NR2F1: variants seen among roughly 807,000 people sequenced by gnomAD.
NR2F1 encodes COUP transcription factor 1.
In NR2F1, 1 loss-of-function variant was observed where a neutral mutation model predicts 37.7. The ratio of observed to expected loss-of-function variants is 0.03; its 90% confidence interval spans 0.01 to 0.13. The LOEUF is 0.13. NR2F1 is among the 10% of genes least tolerant of loss of function. The pLI is 1.00. For synonymous variants in NR2F1, 275 were observed against 259.6 expected (o/e 1.06, Z -0.57); for missense variants, 268 against 578.4 (o/e 0.46, Z 5.50).
At chr5:93,587,549 T>TA (rs1753253575) in intron 1 of NR2F1, 1 of 150,716 alleles carries the variant, frequency 6.6e-6, no homozygotes, top group African/African-American at 6.9e-5. Flanking sequence ...TTAACCCTGA[T>TA]TTTTTTTTTC....
intron 2 of NR2F1, among the ~76,000 whole-genome samples, chr5:93,588,962 C>T (rs982831096): frequency 6.6e-6 from 1 of 152,082 alleles, no homozygotes; most frequent in African/African-American, 2.4e-5. Context: ...CACAGAGAGA[C>T]ACAGAGAGAG....
intron 1 of NR2F1, 39 bp downstream of exon 1, chr5:93,585,525 C>T: frequency 2.0e-6 from 3 of 1,531,930 alleles, no homozygotes; most frequent in Non-Finnish European, 2.7e-6. Context: ...CGCGCTTCGC[C>T]CGCCTCCCTG....
rs1203962595 is a variant in NR2F1, at chr5:93,584,830, A to G, written c.-194A>G. 6.4e-5 allele frequency: 10 copies of G among 156,478 alleles called. No homozygotes were observed. The South Asian group carries it at 1.0e-3, about 16-fold the overall frequency. The allele number at this position is 156,478 out of a possible 1,614,324, so 9.7% of individuals were successfully genotyped here. A position where few individuals can be genotyped will look rare whatever the true frequency, so the allele number is the denominator to read the frequency against. The stretch of plus-strand genomic sequence containing the variant: ...GGGCGGCCGAGGCAGTAGCGGCGGC[A>G]GCGGCGGCGGCGGCGGAGGCAGCGG... On this transcript the variant is annotated 5_prime_UTR_variant, in exon 1 of 3. Transcript: ENST00000327111.
chr5:93,583,230 T>C lies in NR2F1; in HGVS notation c.-1794T>C, dbSNP rs1015943998. 1 of 151,904 alleles carries C rather than the reference T, an allele frequency of 6.6e-6. No homozygotes were observed. The highest frequency in any genetic ancestry group is 1.5e-5 in the Non-Finnish European group (1 of 68,010). 9.4% of individuals were successfully genotyped at this position (151,904 alleles called of 1,614,324 possible). On this transcript the variant is annotated 5_prime_UTR_variant, in exon 1 of 3. Coordinates refer to ENST00000327111, the MANE Select transcript of NR2F1 (RefSeq NM_005654.6). ...GCGCAGATCCCCCTTTCGGAAACAT[T>C]GCTCTGCGAGTCCTCCCGTTTAAAC...
At chr5:93,587,671 CT>C in intron 1 of NR2F1, 1 of 519,626 alleles carries the variant, frequency 1.9e-6, no homozygotes, top group South Asian at 3.2e-5. Context: ...GGAGTCAGGC[CT>C]AGCTCCGGCG....
Position 93,584,907 on chromosome 5 carries a change from CCCCCG to C in NR2F1, c.-112_-108del, listed in dbSNP as rs1753199855. The C allele has an allele frequency of 7.2e-6, 1 of 139,710 alleles. No homozygotes were observed. The highest frequency in any genetic ancestry group is 2.6e-5 in the African/African-American group (1 of 38,528). 8.7% of individuals were successfully genotyped at this position (139,710 alleles called of 1,614,324 possible). A position where few individuals can be genotyped will look rare whatever the true frequency, so the allele number is the denominator to read the frequency against. On this transcript the variant is annotated 5_prime_UTR_variant, in exon 1 of 3. Coordinates refer to ENST00000327111, the MANE Select transcript of NR2F1 (RefSeq NM_005654.6). ...TGCGACCCCGGGGCGCCCGGCGGGCCCCCCGCCCCCTCCCCCTCCCCCCTTCCCCT... is the reference window on the plus strand; with the variant it reads ...TGCGACCCCGGGGCGCCCGGCGGGCCCCCCCTCCCCCTCCCCCCTTCCCCT...
rs749118126 is a variant in NR2F1, at chr5:93,588,082, CCAA to C, written c.635_637del (p.Asn212del). 1 of 1,614,160 alleles carries C rather than the reference CCAA, an allele frequency of 6.2e-7. No individual in the cohort carries two copies. The highest frequency in any genetic ancestry group is 8.5e-7 in the Non-Finnish European group (1 of 1,180,032). On this transcript the variant is annotated inframe_deletion, in exon 2 of 3. Coordinates refer to ENST00000327111, the MANE Select transcript of NR2F1 (RefSeq NM_005654.6). ...CGCTACGGCAGCCAGTGCATGCAGCCCAACAACATTATGGGCATCGAGAACATC... is the reference window on the plus strand; with the variant it reads ...CGCTACGGCAGCCAGTGCATGCAGCCCAACATTATGGGCATCGAGAACATC...
Position 93,593,788 on chromosome 5 carries a change from G to T in NR2F1, c.1218G>T (p.Met406Ile). The T allele has an allele frequency of 6.2e-7, 1 of 1,614,240 alleles. No individual in the cohort carries two copies. Among genetic ancestry groups the T allele is most frequent in the South Asian group, 1.1e-5 (1 of 91,084 alleles). ...KTPIETLIRD[M>I]LLSGSSFNWP... ...CCATCGAAACTCTCATCCGCGATATGTTACTGTCTGGGAGCAGCTTCAACT... is the reference window on the plus strand; with the variant it reads ...CCATCGAAACTCTCATCCGCGATATTTTACTGTCTGGGAGCAGCTTCAACT... Residue 406 changes from methionine to isoleucine, a missense_variant, in exon 3 of 3, where the codon ATG (methionine) becomes ATT (isoleucine). Around this residue, in one of 5 missense-constraint regions of NR2F1, gnomAD observed 99 missense variants for 191.9 expected, o/e 0.52. Transcript: ENST00000327111. The surrounding 1 kb of genome is among the most constrained non-coding windows in gnomAD (Gnocchi z 5.6).
intron 2 of NR2F1, chr5:93,591,967 A>T (rs893353399): frequency 5.3e-5 from 8 of 152,202 alleles, no homozygotes; most frequent in South Asian, 2.1e-4. Flanking sequence ...ACCAGTGTGG[A>T]TATACCCAAC....
chr5:93,588,054 T>A lies in NR2F1; in HGVS notation c.601T>A (p.Ser201Thr), dbSNP rs368008985. The change falls in exon 2 of 3, where the codon TCG (serine) becomes ACG (threonine). Residue 201 changes from serine (S) to threonine (T), a missense_variant. By Grantham distance (58) the Ser-to-Thr change is moderately conservative. This residue lies in a region of NR2F1 where 42 missense variants were observed against 72.5 expected (regional missense o/e 0.58). Transcript: ENST00000327111. ...GCTGCGCGCCGAGCCCTACCCCACG[T>A]CGCGCTACGGCAGCCAGTGCATGCA... is the stretch of plus-strand genomic sequence containing the variant. ...LLLRAEPYPT[S>T]RYGSQCMQPN... 1.4e-5 allele frequency: 23 copies of A among 1,614,058 alleles called. No homozygotes were observed. The highest frequency in any genetic ancestry group is 1.9e-5 in the Non-Finnish European group (22 of 1,180,012).
chr5:93,585,599 C>A, intron 1 of NR2F1, 113 bp downstream of exon 1: 1 of 836,096 alleles, frequency 1.2e-6, no homozygotes, highest in Non-Finnish European at 1.9e-6. Flanking sequence ...TGGTCCCGGC[C>A]CGTCCCAGCT....
At chr5:93,588,593 C>T (rs1210387411) in intron 2 of NR2F1, 149 bp downstream of exon 2, 4 of 405,180 alleles carry the variant, frequency 9.9e-6, no homozygotes, top group East Asian at 1.6e-4. Flanking sequence ...GGGTCTGTGA[C>T]CCCCGCGCGG....
rs1478113286 is a variant in NR2F1 at position 93,594,384 on chromosome 5, A to G, written c.*542A>G. On this transcript the variant is annotated 3_prime_UTR_variant, in exon 3 of 3. Coordinates refer to ENST00000327111, the MANE Select transcript of NR2F1 (RefSeq NM_005654.6). ...AGAAAAAGGAAACAAGAATTAGGGG[A>G]AAATAACATTTTCCAAATAATTATA... The G allele has an allele frequency of 6.6e-6, 1 of 152,332 alleles. No individual in the cohort carries two copies. Among genetic ancestry groups the G allele is most frequent in the East Asian group, 1.9e-4 (1 of 5,206 alleles). 9.4% of individuals were successfully genotyped at this position (152,332 alleles called of 1,614,324 possible). A position where few individuals can be genotyped will look rare whatever the true frequency, so the allele number is the denominator to read the frequency against.
Position 93,593,886 on chromosome 5 carries a change from A to G in NR2F1, c.*44A>G. 6.3e-7 allele frequency: 1 copy of G among 1,583,264 alleles called. No homozygotes were observed. Among genetic ancestry groups the G allele is most frequent in the South Asian group, 1.2e-5 (1 of 86,700 alleles). The stretch of plus-strand genomic sequence containing the variant: ...CTGCCCCGTCCCCCTAGAGACTCAG[A>G]GGACCCACCTGGGCCAAGGACTCCA... On this transcript the variant is annotated 3_prime_UTR_variant, in exon 3 of 3. Coordinates refer to ENST00000327111, the MANE Select transcript of NR2F1 (RefSeq NM_005654.6). This position sits in a 1 kb window ranked among gnomAD's most constrained non-coding sequence, Gnocchi z 5.6.
At position 93,585,040 on chromosome 5, in the gene NR2F1, G is replaced by A; in HGVS notation, c.17G>A (p.Ser6Asn). 9.7e-7 allele frequency: 1 copy of A among 1,031,782 alleles called. No individual in the cohort carries two copies. Among genetic ancestry groups the A allele is most frequent in the Non-Finnish European group, 1.2e-6 (1 of 860,578 alleles). 63.9% of individuals were successfully genotyped at this position (1,031,782 alleles called of 1,614,324 possible). A position where few individuals can be genotyped will look rare whatever the true frequency, so the allele number is the denominator to read the frequency against. The change falls in exon 1 of 3, where the codon AGC becomes AAC. Residue 6 changes from serine to asparagine, a missense_variant. By Grantham distance (46) the Ser-to-Asn change is conservative (BLOSUM62 1). This residue lies in a region of NR2F1 where 90 missense variants were observed against 106.5 expected (regional missense o/e 0.85). Transcript: ENST00000327111. MAMVV[S>N]SWRDPQDDVA... ...CCCAAAGATATGGCAATGGTAGTTAGCAGCTGGCGAGATCCGCAGGACGAC... is the reference window on the plus strand; with the variant it reads ...CCCAAAGATATGGCAATGGTAGTTAACAGCTGGCGAGATCCGCAGGACGAC...
At chr5:93,589,094 C>T (rs992771758) in intron 2 of NR2F1, among the ~76,000 whole-genome samples, 3 of 152,082 alleles carry the variant, frequency 2.0e-5, no homozygotes, top group East Asian at 3.9e-4. Context: ...TCGTAAAAAA[C>T]GGATTCGATC....
chr5:93,589,892 G>C (rs1224308739), intron 2 of NR2F1, among the ~76,000 whole-genome samples: 1 of 152,228 alleles, frequency 6.6e-6, no homozygotes, highest in Admixed American at 6.5e-5. Flanking sequence ...CAATGGACTT[G>C]GACTGCCCCC....
At position 93,585,227 on chromosome 5, in the gene NR2F1, G is replaced by A. The variant is rs1401241589; in HGVS notation, c.204G>A (p.Gly68=). The change falls in exon 1 of 3, where the codon GGG becomes GGA. Residue 68 remains glycine (G), a synonymous_variant. Coordinates refer to ENST00000327111, the MANE Select transcript of NR2F1 (RefSeq NM_005654.6). ...PGAPATPGTA[G]DKGQGPPGSG... ...CGCCCGCCACCCCCGGCACGGCGGG[G>A]GACAAGGGCCAGGGCCCGCCCGGTT... 6 of 1,551,136 alleles carry A rather than the reference G, an allele frequency of 3.9e-6. No homozygotes were observed. The Admixed American group carries it at 1.2e-4, about 30-fold the overall frequency.
In NR2F1 at chr5:93,583,389, G is replaced by C. The variant is rs1472306650; in HGVS notation, c.-1635G>C. 1 of 139,220 alleles carries C rather than the reference G, an allele frequency of 7.2e-6. No homozygotes were observed. The highest frequency in any genetic ancestry group is 1.5e-5 in the Non-Finnish European group (1 of 65,936). 8.6% of individuals were successfully genotyped at this position (139,220 alleles called of 1,614,324 possible). ...CTCCTCTCTCTCTCCTCTCTTCTCT[G>C]AACCTCTCTTCTCTTTCTCTTTTCT... is the stretch of plus-strand genomic sequence containing the variant. On this transcript the variant is annotated 5_prime_UTR_variant, in exon 1 of 3. Transcript: ENST00000327111.
Sources: gnomAD v4.1 joint callset for allele counts (sites outside exome capture counted in the v4.1 genomes callset) on GRCh38, gnomAD v4.1.1 for gene constraint, gnomAD v4.1.1 regional missense constraint, Gnocchi (gnomAD v3.1) non-coding constraint, MANE v1.5 for transcripts, NCBI Gene and HGNC (gene_info 2026-07-23, HGNC 2026-07-21) for gene names.